Variants in ROBO2 observed in about 807,000 individuals in gnomAD.
ROBO2 encodes roundabout guidance receptor 2.
In ROBO2, 53 loss-of-function variants were observed where a neutral mutation model predicts 160.8. That is an observed-to-expected ratio of 0.33 (90% CI 0.26 to 0.41). The LOEUF (loss-of-function observed/expected upper bound fraction) is 0.41. Ranked by LOEUF, ROBO2 falls within the 10% of genes least tolerant of loss-of-function variation. The pLI is 1.00. For synonymous variants in ROBO2, 664 were observed against 611.7 expected (o/e 1.09, Z -1.26); for missense variants, 1,577 against 1,722.4 (o/e 0.92, Z 1.49).
intron 2 of ROBO2, among the ~76,000 whole-genome samples, chr3:76,328,528 C>T (rs930976458): frequency 6.6e-6 from 1 of 152,066 alleles, no homozygotes; most frequent in Non-Finnish European, 1.5e-5. Context: ...AGATCGAGAC[C>T]ATCCTGGCTA....
intron 2 of ROBO2, among the ~76,000 whole-genome samples, chr3:76,973,567 T>G (rs1387569890): frequency 6.6e-6 from 1 of 152,154 alleles, no homozygotes; most frequent in Non-Finnish European, 1.5e-5. Flanking sequence ...TATACCTTAT[T>G]ATCAATAGCA....
intron 2 of ROBO2, among the ~76,000 whole-genome samples, chr3:76,158,097 A>C (rs1211221818): frequency 1.3e-5 from 2 of 152,164 alleles, no homozygotes; most frequent in Admixed American, 1.3e-4. Context: ...TTATATTCAG[A>C]GTGGTTTAGT....
intron 2 of ROBO2, among the ~76,000 whole-genome samples, chr3:75,975,956 G>A (rs1376265097): frequency 6.6e-6 from 1 of 151,428 alleles, no homozygotes; most frequent in Non-Finnish European, 1.5e-5. Context: ...AGGATTTGGG[G>A]CCATAGAACT....
intron 2 of ROBO2, among the ~76,000 whole-genome samples, chr3:76,506,171 G>T (rs982027625): frequency 1.3e-5 from 2 of 152,134 alleles, no homozygotes; most frequent in Non-Finnish European, 2.9e-5. Flanking sequence ...ATATTCTTCA[G>T]CTGGGCACAC....
Position 77,331,370 on chromosome 3 carries a change from G to A in ROBO2, c.389-146044G>A, listed in dbSNP as rs145691917. 2.0e-3 allele frequency among the ~76,000 whole-genome samples: 302 copies of A among 152,288 alleles called. 1 individual carries two copies. Among genetic ancestry groups the A allele is most frequent in the South Asian group, 4.1e-3 (20 of 4,826 alleles). On this transcript the variant is annotated intron_variant, in intron 2 of 25. Transcript: ENST00000461745. ...ATGAGGAGATGTGAAGCCTTTTACA[G>A]TTTATTGTTGATGACATTTTGAGGA...
chr3:76,115,003 A>C (rs1352219799), intron 2 of ROBO2, among the ~76,000 whole-genome samples: 1 of 152,166 alleles, frequency 6.6e-6, no homozygotes, highest in Non-Finnish European at 1.5e-5. Context: ...AATTTATGAT[A>C]GTTCCGGGAT....
At chr3:76,945,141 G>A (rs967396172) in intron 2 of ROBO2, among the ~76,000 whole-genome samples, 36 of 152,184 alleles carry the variant, frequency 2.4e-4, no homozygotes, top group African/African-American at 2.2e-4. Context: ...GCCCGCCTCC[G>A]CCTCCCAATG....
intron 2 of ROBO2, among the ~76,000 whole-genome samples, chr3:77,236,176 T>G (rs1158373421): frequency 6.6e-6 from 1 of 152,132 alleles, no homozygotes; most frequent in Non-Finnish European, 1.5e-5. Context: ...GTCTGGAAAG[T>G]AGGGGCAACT....
At chr3:76,833,897 T>A (rs951724437) in intron 2 of ROBO2, among the ~76,000 whole-genome samples, 2 of 152,140 alleles carry the variant, frequency 1.3e-5, no homozygotes, top group African/African-American at 4.8e-5. Flanking sequence ...TTTTGGAAGA[T>A]AATGACATGC....
At chr3:76,888,674 T>C (rs908914974) in intron 2 of ROBO2, among the ~76,000 whole-genome samples, 3 of 152,146 alleles carry the variant, frequency 2.0e-5, no homozygotes, top group Non-Finnish European at 4.4e-5. Context: ...TTACCATTGA[T>C]GAATCACCAT....
intron 2 of ROBO2, among the ~76,000 whole-genome samples, chr3:77,026,030 G>C (rs1320364752): frequency 6.6e-6 from 1 of 152,032 alleles, no homozygotes; most frequent in Non-Finnish European, 1.5e-5. Flanking sequence ...TAGTAAGAAG[G>C]GACACAAAAT....
chr3:77,074,013 A>G (rs2067683474), intron 1 of ROBO2, among the ~76,000 whole-genome samples: 1 of 152,360 alleles, frequency 6.6e-6, no homozygotes, highest in Admixed American at 6.5e-5. Context: ...AAAATAGTTT[A>G]ATAGAAACGT....
At chr3:77,029,950 CT>C (rs965579096) in intron 2 of ROBO2, among the ~76,000 whole-genome samples, 258 of 144,486 alleles carry the variant, frequency 1.8e-3, no homozygotes, top group Middle Eastern at 3.6e-3. Flanking sequence ...CCATTCAGTT[CT>C]TTTTTTTTTT....
intron 2 of ROBO2, among the ~76,000 whole-genome samples, chr3:76,275,148 C>T (rs35794158): frequency 0.29 from 43,939 of 151,928 alleles, 8,165 homozygotes; most frequent in Non-Finnish European, 0.4. Flanking sequence ...AGTGTCAATG[C>T]GAAGTGCTGT....
chr3:75,927,620 G>A (rs1166848223), intron 1 of ROBO2, among the ~76,000 whole-genome samples: 3 of 152,148 alleles, frequency 2.0e-5, no homozygotes, highest in East Asian at 3.9e-4. Context: ...GTTCCACACA[G>A]AATGCAGAAC....
intron 2 of ROBO2, among the ~76,000 whole-genome samples, chr3:75,955,206 A>G (rs868579980): frequency 2.0e-5 from 3 of 151,852 alleles, no homozygotes; most frequent in South Asian, 2.1e-4. Flanking sequence ...ATGAGAGATT[A>G]GATGTAGGTT....
chr3:76,462,416 A>G (rs1019870759), intron 2 of ROBO2, among the ~76,000 whole-genome samples: 2 of 152,180 alleles, frequency 1.3e-5, no homozygotes, highest in East Asian at 1.9e-4. Flanking sequence ...ACATGCAGGT[A>G]TATGGACGTG....
At chr3:76,119,932 TC>T (rs2070669818) in intron 2 of ROBO2, among the ~76,000 whole-genome samples, 1 of 105,566 alleles carries the variant, frequency 9.5e-6, no homozygotes, top group African/African-American at 3.9e-5. Context: ...CTTCCTTCCT[TC>T]CTTCCTTCCT....
intron 2 of ROBO2, among the ~76,000 whole-genome samples, chr3:75,994,922 G>A (rs2065681952): frequency 6.6e-6 from 1 of 152,176 alleles, no homozygotes; most frequent in African/African-American, 2.4e-5. Flanking sequence ...GTTGGGAAAT[G>A]GAAAGTTTTA....
Sources: allele counts gnomAD v4.1 joint callset (sites outside exome capture counted in the v4.1 genomes callset), GRCh38; gene constraint gnomAD v4.1.1; transcripts MANE v1.5; gene names NCBI Gene and HGNC (gene_info 2026-07-23, HGNC 2026-07-21).